Variants in ZNF514 observed in about 807,000 individuals in gnomAD.
ZNF514 encodes zinc finger protein 514.
A neutral mutation model predicts 9.7 loss-of-function variants in ZNF514; 12 were observed. That is an observed-to-expected ratio of 1.24 (90% confidence interval 0.79 to 2.01). The LOEUF (loss-of-function observed/expected upper bound fraction) is 2.01, where lower values mean the gene tolerates loss of function less well. Ranked by LOEUF, ZNF514 falls within the 30% of genes most tolerant of loss-of-function variation. The probability of loss-of-function intolerance (pLI) is 0.00; values close to 1 mark genes in which losing one functional copy is unlikely to be tolerated. For synonymous variants in ZNF514, 158 were observed against 163.7 expected (o/e 0.97, Z 0.27); for missense variants, 467 against 465.5 (o/e 1.00, Z -0.03).
At chr2:95,129,184 C>CT in the ZNF514 span, among the ~76,000 whole-genome samples, 1 of 152,220 alleles carries the variant, frequency 6.6e-6, no homozygotes, top group Non-Finnish European at 1.5e-5. Context: ...TATGCAGACC[C>CT]ACTCCTCAGT....
chr2:95,143,712 G>A (rs545192144), downstream of ZNF514, among the ~76,000 whole-genome samples: 4 of 152,302 alleles, frequency 2.6e-5, no homozygotes, highest in South Asian at 4.1e-4. Flanking sequence ...AATTTCCTGA[G>A]GGATACAAGT....
In ZNF514 at chr2:95,153,510, A is replaced by C. The variant is rs1270040640; in HGVS notation, c.-6-251T>G. The C allele has an allele frequency of 9.6e-6, 3 of 311,074 alleles. No individual in the cohort carries two copies. In the Admixed American group the frequency reaches 1.4e-4, roughly 15 times the overall value. The allele number at this position is 311,074 out of a possible 1,614,324, so 19.3% of individuals were successfully genotyped here. Reference sequence around the variant, plus strand: ...ATACACAAGGATCAACAGTTTTCTAATAAAGTATTTTTGAAACTTGTGACC... The same window carrying C: ...ATACACAAGGATCAACAGTTTTCTACTAAAGTATTTTTGAAACTTGTGACC... On this transcript the variant is annotated intron_variant, in intron 2 of 4. Transcript: ENST00000295208.
rs1426464563 is a variant in ZNF514, at chr2:95,149,353, C to T, written c.1132G>A (p.Gly378Arg). 2 of 1,613,648 alleles carry T rather than the reference C, an allele frequency of 1.2e-6. No individual in the cohort carries two copies. Among genetic ancestry groups the T allele is most frequent in the South Asian group, 1.1e-5 (1 of 91,046 alleles). Reference sequence around the variant, plus strand: ...GATGCAGTATGAGCAAAGGCCCTTCCACACTCATTACATTTGTAGGGTTTC... The same window carrying T: ...GATGCAGTATGAGCAAAGGCCCTTCTACACTCATTACATTTGTAGGGTTTC... ...GEKPYKCNEC[G>R]RAFAHTASLI... is the part of the protein sequence containing the mutation. Residue 378 changes from glycine to arginine, a missense_variant, in exon 5 of 5, where the codon GGA becomes AGA. Gly to Arg is a moderately radical substitution (Grantham distance 125). Transcript: ENST00000295208.
the ZNF514 span, among the ~76,000 whole-genome samples, chr2:95,134,142 A>AGGGGC: frequency 1.3e-5 from 2 of 152,064 alleles, no homozygotes; most frequent in Non-Finnish European, 2.9e-5. Flanking sequence ...AAATTTTTTT[A>AGGGGC]TTGGGAGTTG....
chr2:95,152,734 A>G lies in ZNF514; in HGVS notation c.157T>C (p.Leu53=), dbSNP rs763618095. 1 of 1,614,098 alleles carries G rather than the reference A, an allele frequency of 6.2e-7. No homozygotes were observed. Among genetic ancestry groups the G allele is most frequent in the South Asian group, 1.1e-5 (1 of 91,060 alleles). Residue 53 remains leucine (L), a synonymous_variant, in exon 4 of 5, where the codon TTG becomes CTG. Transcript: ENST00000295208. ...LVSKPYVICQ[L]EEGGEPFMVE... The stretch of plus-strand genomic sequence containing the variant: ...ATGAAGGGCTCACCCCCTTCCTCCA[A>G]CTGGCAGATCACATATGGTTTGGAT...
At chr2:95,127,643 G>GATTT in the ZNF514 span, among the ~76,000 whole-genome samples, 1 of 152,058 alleles carries the variant, frequency 6.6e-6, no homozygotes, top group African/African-American at 2.4e-5. Context: ...TTGAGACAGA[G>GATTT]ATTTGCTCTT....
chr2:95,151,656 G>A (rs1558701594), intron 4 of ZNF514, among the ~76,000 whole-genome samples: 1 of 152,194 alleles, frequency 6.6e-6, no homozygotes, highest in East Asian at 1.9e-4. Context: ...TTCTGAAGAA[G>A]GAAATGACTG....
rs1181758138 is a variant in ZNF514, at chr2:95,148,429, C to T, written c.*853G>A. The T allele has an allele frequency of 2.0e-5, 3 of 152,224 alleles. No homozygotes were observed. The highest frequency in any genetic ancestry group is 7.2e-5 in the African/African-American group (3 of 41,450). The allele number at this position is 152,224 out of a possible 1,614,324, so 9.4% of individuals were successfully genotyped here. A position where few individuals can be genotyped will look rare whatever the true frequency, so the allele number is the denominator to read the frequency against. ...GCTTCTTTTCAGCTCTAGTTTTATA[C>T]ATCTCAAGTTGGAAAGGAACTTTCC... On this transcript the variant is annotated 3_prime_UTR_variant, in exon 5 of 5. Transcript: ENST00000295208.
the ZNF514 span, among the ~76,000 whole-genome samples, chr2:95,130,783 G>A: frequency 6.6e-6 from 1 of 152,114 alleles, no homozygotes. Flanking sequence ...CACACATGCT[G>A]TACAATTTTT....
At chr2:95,158,739 C>A in intron 1 of ZNF514, 1 of 1,085,460 alleles carries the variant, frequency 9.2e-7, no homozygotes, top group South Asian at 1.7e-5. Context: ...ATGGCCATCC[C>A]CTCCACCTCC....
the ZNF514 span, among the ~76,000 whole-genome samples, chr2:95,127,528 CCTCA>C: frequency 6.6e-6 from 1 of 152,188 alleles, no homozygotes; most frequent in Non-Finnish European, 1.5e-5. Context: ...GTGCCTGTCA[CCTCA>C]CTATCTTCAT....
At position 95,152,667 on chromosome 2, in the gene ZNF514, C is replaced by G. The variant is rs779506892; in HGVS notation, c.217+7G>C. The G allele has an allele frequency of 6.2e-7, 1 of 1,613,436 alleles. No individual in the cohort carries two copies. The highest frequency in any genetic ancestry group is 1.3e-5 in the African/African-American group (1 of 75,038). On this transcript the variant is annotated splice_region_variant and intron_variant, in intron 4 of 4. Coordinates refer to ENST00000295208, the MANE Select transcript of ZNF514 (RefSeq NM_032788.3). ...ATCATATGCAATGCTTTCACTCACT[C>G]ACTCACCTGAGTGGGCTCCTGTTGA...
chr2:95,156,723 C>A (rs1179429716), intron 2 of ZNF514, among the ~76,000 whole-genome samples: 2 of 152,194 alleles, frequency 1.3e-5, no homozygotes, highest in African/African-American at 4.8e-5. Flanking sequence ...GCCTGCTTAA[C>A]ATGTTACTGG....
chr2:95,151,789 C>T (rs1230633292), intron 4 of ZNF514, among the ~76,000 whole-genome samples: 2 of 152,174 alleles, frequency 1.3e-5, no homozygotes. Flanking sequence ...CACAGCCATG[C>T]TCATATACCA....
chr2:95,124,301 A>G, the ZNF514 span, among the ~76,000 whole-genome samples: 4 of 152,186 alleles, frequency 2.6e-5, no homozygotes, highest in African/African-American at 9.7e-5. Flanking sequence ...ATGGAATCAG[A>G]TAATACATGA....
rs1004138607 is a variant in ZNF514, at chr2:95,159,510, C to T, written c.-366G>A. 1.3e-5 allele frequency: 2 copies of T among 153,300 alleles called. No individual in the cohort carries two copies. Among genetic ancestry groups the T allele is most frequent in the Non-Finnish European group, 2.9e-5 (2 of 68,720 alleles). 9.5% of individuals were successfully genotyped at this position (153,300 alleles called of 1,614,324 possible). On this transcript the variant is annotated 5_prime_UTR_variant, in exon 1 of 5. Transcript: ENST00000295208. ...CGGGGGGCACTCGGAGGGACACACC[C>T]AGCTCTGTAAGGGGCCGGGGCGCGG...
At chr2:95,123,912 G>A in the ZNF514 span, among the ~76,000 whole-genome samples, 2 of 152,206 alleles carry the variant, frequency 1.3e-5, no homozygotes, top group Non-Finnish European at 2.9e-5. Context: ...CAAAGATACA[G>A]ATAGGAAGTT....
chr2:95,140,439 G>A (rs1317156728), downstream of ZNF514, among the ~76,000 whole-genome samples: 1 of 151,932 alleles, frequency 6.6e-6, no homozygotes, highest in African/African-American at 2.4e-5. Context: ...GGCCAACATG[G>A]TGAAACCCCA....
chr2:95,154,937 G>C (rs1455887261), intron 2 of ZNF514: 1 of 152,106 alleles, frequency 6.6e-6, no homozygotes, highest in Non-Finnish European at 1.5e-5. Context: ...TCCCAATAAA[G>C]GCTTTCAGTG....
Sources: allele counts gnomAD v4.1 joint callset (sites outside exome capture counted in the v4.1 genomes callset), GRCh38; gene constraint gnomAD v4.1.1; transcripts MANE v1.5; gene names NCBI Gene and HGNC (gene_info 2026-07-23, HGNC 2026-07-21).